Variants in CNTN6 observed in about 807,000 individuals in gnomAD.
The protein encoded by CNTN6 is contactin-6.
Under a neutral mutation model 122.8 loss-of-function variants are expected in CNTN6, and 137 were observed. The observed-to-expected ratio is 1.12, with a 90% CI of 0.97 to 1.29. CNTN6 has a LOEUF of 1.29. Among genes scored for constraint, CNTN6 ranks in the 50% most tolerant of loss-of-function variants. The pLI, the probability that CNTN6 is intolerant of heterozygous loss-of-function variation, is 0.00. For missense variants in CNTN6, 1,634 were observed against 1,223.4 expected, an observed-to-expected ratio of 1.34 and a Z score of -5.01; for synonymous variants, 570 against 426.0, an observed-to-expected ratio of 1.34 and a Z score of -4.16.
chr3:1,383,459 C>A, intron 19 of CNTN6, 51 bp downstream of exon 19: 2 of 1,335,146 alleles, frequency 1.5e-6, no homozygotes, highest in Non-Finnish European at 2.2e-6. Context: ...ATGGACTTCG[C>A]AATAGCTCCT....
At position 1,383,161 on chromosome 3, in the gene CNTN6, T is replaced by G. The variant is rs370894171; in HGVS notation, c.2386T>G (p.Tyr796Asp). 3 of 1,613,150 alleles carry G rather than the reference T, an allele frequency of 1.9e-6. No homozygotes were observed. Among genetic ancestry groups the G allele is most frequent in the Middle Eastern group, 1.6e-4 (1 of 6,084 alleles). Reference protein sequence around the residue: ...EGSLSTVTIVYSGEDEPQLAP... With the variant: ...EGSLSTVTIVDSGEDEPQLAP... ...ATCCCTGAGTACTGTGACCATTGTCTACTCTGGGGAAGATGGTAAGTTGTC... is the reference window on the plus strand; with the variant it reads ...ATCCCTGAGTACTGTGACCATTGTCGACTCTGGGGAAGATGGTAAGTTGTC... Residue 796 changes from tyrosine (Y) to aspartate (D), a missense_variant, in exon 18 of 23, where the codon TAC becomes GAC. Tyr to Asp is a radical substitution (Grantham distance 160). Transcript: ENST00000446702.
intron 2 of CNTN6, among the ~76,000 whole-genome samples, chr3:1,202,231 T>G (rs1448017271): frequency 6.6e-6 from 1 of 152,232 alleles, no homozygotes; most frequent in African/African-American, 2.4e-5. Flanking sequence ...AGGAAAAGCT[T>G]CATGCATACT....
intron 17 of CNTN6, among the ~76,000 whole-genome samples, chr3:1,380,965 A>G (rs1194535778): frequency 6.6e-6 from 1 of 152,136 alleles, no homozygotes; most frequent in African/African-American, 2.4e-5. Flanking sequence ...GCCTTGTTAA[A>G]TAACTATATA....
chr3:1,320,409 C>A (rs1023671947), intron 7 of CNTN6, among the ~76,000 whole-genome samples: 22 of 151,664 alleles, frequency 1.5e-4, no homozygotes, highest in Non-Finnish European at 2.8e-4. Context: ...CTTGAAGCTT[C>A]TACTGAGACA....
intron 1 of CNTN6, among the ~76,000 whole-genome samples, chr3:1,102,526 C>T (rs943225644): frequency 1.3e-5 from 2 of 151,336 alleles, no homozygotes; most frequent in Non-Finnish European, 1.5e-5. Flanking sequence ...GTCAGGAGAT[C>T]GAGACCATCC....
chr3:1,236,369 G>C (rs960733970), intron 4 of CNTN6, among the ~76,000 whole-genome samples: 3 of 152,082 alleles, frequency 2.0e-5, no homozygotes, highest in Admixed American at 1.3e-4. Context: ...GCAGGTGGTG[G>C]TATCCACAGC....
chr3:1,208,296 T>C (rs938029263), intron 2 of CNTN6, among the ~76,000 whole-genome samples: 2 of 152,098 alleles, frequency 1.3e-5, no homozygotes, highest in African/African-American at 4.8e-5. Flanking sequence ...CATCTTTTTA[T>C]TTCATGACTC....
intron 1 of CNTN6, among the ~76,000 whole-genome samples, chr3:1,098,284 A>C (rs1332124700): frequency 6.6e-6 from 1 of 152,014 alleles, no homozygotes; most frequent in African/African-American, 2.4e-5. Flanking sequence ...GGTATATTTG[A>C]TTTTTTGATT....
At chr3:1,305,987 G>A (rs1305118373) in intron 7 of CNTN6, among the ~76,000 whole-genome samples, 1 of 152,098 alleles carries the variant, frequency 6.6e-6, no homozygotes, top group Non-Finnish European at 1.5e-5. Context: ...AGATTATACT[G>A]CAGAAAGATT....
rs1398399664 is a variant in CNTN6, at chr3:1,097,019, T to C, written c.-83+3899T>C. ...CAATCTTTCAGTTTGGAGGAATTCT[T>C]TGAATGAAAATTTTATTAGAATGTT... On this transcript the variant is annotated intron_variant, in intron 1 of 22. Transcript: ENST00000446702. Among the ~76,000 whole-genome samples the C allele has an allele frequency of 2.6e-5, 4 of 152,226 alleles. No individual in the cohort carries two copies. In the East Asian group the frequency reaches 7.7e-4, roughly 29 times the overall value.
chr3:1,251,688 A>G (rs919349252), intron 4 of CNTN6, among the ~76,000 whole-genome samples: 1 of 152,068 alleles, frequency 6.6e-6, no homozygotes, highest in African/African-American at 2.4e-5. Flanking sequence ...TTAAGTCACC[A>G]TGAAGCTCAA....
At chr3:1,216,432 A>G (rs1227627143) in intron 2 of CNTN6, among the ~76,000 whole-genome samples, 4 of 152,126 alleles carry the variant, frequency 2.6e-5, no homozygotes, top group African/African-American at 4.8e-5. Context: ...TTGTCAGGAT[A>G]TGTTCCTTTT....
chr3:1,309,495 T>C (rs972438970), intron 7 of CNTN6, among the ~76,000 whole-genome samples: 1 of 152,242 alleles, frequency 6.6e-6, no homozygotes, highest in Non-Finnish European at 1.5e-5. Flanking sequence ...TCTATTCTTT[T>C]GCCATTACCA....
chr3:1,393,946 C>A (rs921666569), intron 20 of CNTN6, among the ~76,000 whole-genome samples: 1 of 152,152 alleles, frequency 6.6e-6, no homozygotes, highest in Non-Finnish European at 1.5e-5. Flanking sequence ...AGTAGCCCCA[C>A]ACTCCCTTGA....
intron 2 of CNTN6, among the ~76,000 whole-genome samples, chr3:1,208,473 C>T (rs1270942516): frequency 1.3e-5 from 2 of 152,078 alleles, no homozygotes; most frequent in African/African-American, 4.8e-5. Context: ...TGGCATTCTT[C>T]CAAAACCTCT....
intron 1 of CNTN6, among the ~76,000 whole-genome samples, chr3:1,103,203 T>G (rs1304979846): frequency 6.6e-6 from 1 of 152,210 alleles, no homozygotes; most frequent in East Asian, 1.9e-4. Flanking sequence ...TTGTTTAAAG[T>G]GGAACATGAA....
At chr3:1,260,528 G>T (rs899177156) in intron 4 of CNTN6, among the ~76,000 whole-genome samples, 11 of 152,002 alleles carry the variant, frequency 7.2e-5, no homozygotes, top group Admixed American at 7.2e-4. Context: ...AATCACTGGT[G>T]CTTTAGATAA....
chr3:1,363,986 T>G (rs563065477), intron 12 of CNTN6, among the ~76,000 whole-genome samples: 7 of 152,096 alleles, frequency 4.6e-5, no homozygotes, highest in African/African-American at 1.7e-4. Flanking sequence ...ATGGTTTAGA[T>G]TTGCATTTGC....
chr3:1,309,480 C>T (rs986771060), intron 7 of CNTN6, among the ~76,000 whole-genome samples: 1 of 152,128 alleles, frequency 6.6e-6, no homozygotes, highest in Admixed American at 6.6e-5. Flanking sequence ...TGTTCCATTG[C>T]TCTGTCTATT....
Sources: allele counts gnomAD v4.1 joint callset (sites outside exome capture counted in the v4.1 genomes callset), GRCh38; gene constraint gnomAD v4.1.1; transcripts MANE v1.5; gene names NCBI Gene and HGNC (gene_info 2026-07-23, HGNC 2026-07-21).